BPIFB4: variants seen among roughly 807,000 people sequenced by gnomAD.
BPIFB4 encodes the protein BPI fold-containing family B member 4.
A neutral mutation model predicts 69.2 loss-of-function variants in BPIFB4; 62 were observed. The ratio of observed to expected loss-of-function variants is 0.90; its 90% CI spans 0.73 to 1.11. The LOEUF (loss-of-function observed/expected upper bound fraction) is 1.11. Ranked by LOEUF, BPIFB4 falls within the 50% of genes least tolerant of loss-of-function variation. The pLI is 0.00. For synonymous variants in BPIFB4, 330 were observed against 332.7 expected (o/e 0.99, Z 0.09); for missense variants, 789 against 792.0 (o/e 1.00, Z 0.04).
intron 9 of BPIFB4, among the ~76,000 whole-genome samples, 162 bp downstream of exon 9, chr20:33,089,720 C>T (rs912654023): frequency 1.1e-5 from 1 of 87,472 alleles, no homozygotes. Flanking sequence ...TTCCCTCTTG[C>T]TCCCAAACAC....
At chr20:33,102,880 G>A in intron 14 of BPIFB4, 92 bp from the exon 15 acceptor site, 2 of 1,274,446 alleles carry the variant, frequency 1.6e-6, no homozygotes, top group Non-Finnish European at 2.3e-6. Flanking sequence ...CGTGAGGATA[G>A]TGGAGGGGCT....
chr20:33,104,858 A>G lies in BPIFB4; in HGVS notation c.1729A>G (p.Met577Val), dbSNP rs1982003176. ...LVEKIFDLAF[M>V]PAMNAVLGSG... ...GGAGAAGATTTTTGACCTGGCATTCATGCCCGCAATGAACGGTGAGAGCGG... is the reference window on the plus strand; with the variant it reads ...GGAGAAGATTTTTGACCTGGCATTCGTGCCCGCAATGAACGGTGAGAGCGG... The change falls in exon 16 of 18, where the codon ATG (methionine) becomes GTG (valine). Residue 577 changes from methionine (M) to valine (V), a missense_variant. Physicochemically the swap from Met to Val is conservative, Grantham distance 21. This residue lies in a region of BPIFB4 where 170 missense variants were observed against 193.6 expected (regional missense o/e 0.88). Coordinates refer to ENST00000375483, the MANE Select transcript of BPIFB4 (RefSeq NM_182519.3). 8.1e-6 allele frequency: 13 copies of G among 1,614,062 alleles called. No individual in the cohort carries two copies. Among genetic ancestry groups the G allele is most frequent in the South Asian group, 1.1e-5 (1 of 91,074 alleles).
At chr20:33,102,361 C>T (rs552521195) in intron 14 of BPIFB4, among the ~76,000 whole-genome samples, 45 of 152,340 alleles carry the variant, frequency 3.0e-4, no homozygotes, top group Middle Eastern at 3.4e-3. Context: ...TGGCCTCTCT[C>T]GGGTAGGACT....
At position 33,107,728 on chromosome 20, in the gene BPIFB4, G is replaced by GT; in HGVS notation, c.1745-10dup. On this transcript the variant is annotated splice_polypyrimidine_tract_variant and intron_variant, in intron 16 of 17. Transcript: ENST00000375483. ...CTTGGACCACTGACCATGTCTGACT[G>GT]TTTTTTATTTTACAGCTGTGCTGGG... 1.2e-6 allele frequency: 2 copies of GT among 1,609,454 alleles called. No homozygotes were observed. The highest frequency in any genetic ancestry group is 1.6e-4 in the Middle Eastern group (1 of 6,062).
At chr20:33,090,659 C>T (rs771996825) in intron 9 of BPIFB4, 49 bp from the exon 10 acceptor site, 2 of 1,608,614 alleles carry the variant, frequency 1.2e-6, no homozygotes, top group Non-Finnish European at 1.7e-6. Context: ...GGAGGGAAGG[C>T]ATCTGGATGG....
chr20:33,080,275 C>A (rs1981190295), intron 1 of BPIFB4, among the ~76,000 whole-genome samples, 194 bp from the exon 2 acceptor site: 1 of 152,130 alleles, frequency 6.6e-6, no homozygotes, highest in East Asian at 1.9e-4. Flanking sequence ...CCAACAATTT[C>A]TTGGCTCAGA....
intron 15 of BPIFB4, among the ~76,000 whole-genome samples, chr20:33,103,941 C>G (rs1242697943): frequency 6.6e-6 from 1 of 152,184 alleles, no homozygotes; most frequent in Non-Finnish European, 1.5e-5. Flanking sequence ...GAGATGGGCC[C>G]TAGGCACTGA....
chr20:33,085,024 C>T, intron 6 of BPIFB4, 28 bp downstream of exon 6: 1 of 1,602,476 alleles, frequency 6.2e-7, no homozygotes. Flanking sequence ...TGGAGGGGTC[C>T]CCACCACCCT....
chr20:33,087,537 G>A (rs1269915218), intron 7 of BPIFB4, among the ~76,000 whole-genome samples: 1 of 151,966 alleles, frequency 6.6e-6, no homozygotes, highest in Non-Finnish European at 1.5e-5. Context: ...TTATTTCGCT[G>A]GTCCTCTATT....
chr20:33,095,229 GA>G, intron 12 of BPIFB4, 76 bp downstream of exon 12: 1 of 1,459,932 alleles, frequency 6.8e-7, no homozygotes. Context: ...TGGAAGGGAA[GA>G]TGCTCAGCGC....
intron 17 of BPIFB4, among the ~76,000 whole-genome samples, chr20:33,110,796 T>G (rs912460530): frequency 4.0e-5 from 6 of 151,428 alleles, no homozygotes; most frequent in African/African-American, 1.2e-4. Flanking sequence ...CTTACTTTTA[T>G]TATTTATTTT....
chr20:33,080,195 G>GA (rs1981188057), intron 1 of BPIFB4, among the ~76,000 whole-genome samples: 1 of 151,696 alleles, frequency 6.6e-6, no homozygotes, highest in Non-Finnish European at 1.5e-5. Context: ...GAATTTGGGG[G>GA]CGCTGTGAAG....
intron 10 of BPIFB4, among the ~76,000 whole-genome samples, chr20:33,092,119 C>T (rs980351448): frequency 6.6e-6 from 1 of 152,130 alleles, no homozygotes; most frequent in Admixed American, 6.5e-5. Context: ...GATCACCTAG[C>T]ACCTTGTAGA....
At chr20:33,097,565 G>T in intron 12 of BPIFB4, 52 bp from the exon 13 acceptor site, 1 of 1,560,208 alleles carries the variant, frequency 6.4e-7, no homozygotes, top group Non-Finnish European at 8.8e-7. Context: ...TAACCCCCTG[G>T]GTACCTCCTA....
chr20:33,104,744 C>T lies in BPIFB4; in HGVS notation c.1681-66C>T. The T allele has an allele frequency of 4.0e-6, 6 of 1,509,588 alleles. No homozygotes were observed. In the Admixed American group the frequency reaches 8.5e-5, roughly 21 times the overall value. The allele number at this position is 1,509,588 out of a possible 1,614,324, so 93.5% of individuals were successfully genotyped here. A position where few individuals can be genotyped will look rare whatever the true frequency, so the allele number is the denominator to read the frequency against. On this transcript the variant is annotated intron_variant, in intron 15 of 17. Coordinates refer to ENST00000375483, the MANE Select transcript of BPIFB4 (RefSeq NM_182519.3). ...CTCCACCTTGAGCCAGGGGAGCAGA[C>T]CCAAGGGGCCCTCTGGAGCTGAGCA...
At chr20:33,089,101 C>T (rs1264435843) in intron 8 of BPIFB4, 72 bp downstream of exon 8, 37 of 1,608,300 alleles carry the variant, frequency 2.3e-5, no homozygotes, top group Non-Finnish European at 3.1e-5. Flanking sequence ...AGTCCAGCCT[C>T]CATCCCTGGG....
At chr20:33,090,620 C>T in intron 9 of BPIFB4, 88 bp from the exon 10 acceptor site, 1 of 1,577,284 alleles carries the variant, frequency 6.3e-7, no homozygotes, top group South Asian at 1.2e-5. Flanking sequence ...CCTGGGCCTA[C>T]CTTGTCCATC....
chr20:33,096,506 C>T (rs1981757506), intron 12 of BPIFB4, among the ~76,000 whole-genome samples: 1 of 152,190 alleles, frequency 6.6e-6, no homozygotes, highest in Non-Finnish European at 1.5e-5. Flanking sequence ...AACTCCTGAC[C>T]TCAAGTGATC....
At chr20:33,102,608 C>G (rs904984160) in intron 14 of BPIFB4, among the ~76,000 whole-genome samples, 4 of 152,234 alleles carry the variant, frequency 2.6e-5, no homozygotes, top group Admixed American at 6.5e-5. Context: ...ACTCATGCAC[C>G]TATGGCAGGG....
Sources: allele counts gnomAD v4.1 joint callset (sites outside exome capture counted in the v4.1 genomes callset), GRCh38; gene constraint gnomAD v4.1.1; regional missense constraint gnomAD v4.1.1; transcripts MANE v1.5; gene names NCBI Gene and HGNC (gene_info 2026-07-23, HGNC 2026-07-21).